WWOX: variants seen among roughly 807,000 people sequenced by gnomAD.
WWOX encodes WW domain-containing oxidoreductase.
Under a neutral mutation model 46.2 loss-of-function variants are expected in WWOX, and 69 were observed. The observed-to-expected ratio is 1.49, with a 90% CI of 1.23 to 1.82. The LOEUF (loss-of-function observed/expected upper bound fraction) is 1.82. Ranked by LOEUF, WWOX falls within the 40% of genes most tolerant of loss-of-function variation. The pLI is 0.00. For missense variants in WWOX, 919 were observed against 542.6 expected (o/e 1.69, Z -6.89); for synonymous variants, 359 against 202.6 (o/e 1.77, Z -6.56).
In WWOX at chr16:79,149,467, G is replaced by A. The variant is rs73580989; in HGVS notation, c.1057-62141G>A. Among the ~76,000 whole-genome samples the A allele has an allele frequency of 2.5e-3, 373 of 152,240 alleles. 2 individuals are homozygous for A. Among genetic ancestry groups the A allele is most frequent in the African/African-American group, 8.7e-3 (360 of 41,534 alleles). ...TGGATAGCTCACCAACTTTTATTCA[G>A]AAAACATCCGTCTCAGTTTAGTGCC... is the stretch of plus-strand genomic sequence containing the variant. On this transcript the variant is annotated intron_variant, in intron 8 of 8. Coordinates refer to ENST00000566780, the MANE Select transcript of WWOX (RefSeq NM_016373.4).
rs1023887703 is a variant in WWOX at position 79,002,421 on chromosome 16, G to A, written c.1057-209187G>A. Among the ~76,000 whole-genome samples the A allele has an allele frequency of 2.6e-5, 4 of 151,722 alleles. No individual in the cohort carries two copies. The East Asian group carries it at 7.8e-4, about 30-fold the overall frequency. On this transcript the variant is annotated intron_variant, in intron 8 of 8. Transcript: ENST00000566780. ...GTATTTTTAGTAGAGACAGGGTTTT[G>A]ACATGTTGCCAGGCTGCTCTCGAAC...
At chr16:78,798,057 C>A (rs370447778) in intron 8 of WWOX, among the ~76,000 whole-genome samples, 25 of 152,284 alleles carry the variant, frequency 1.6e-4, no homozygotes, top group Non-Finnish European at 2.9e-4. Context: ...GGAATCCAGT[C>A]TTCTCCTTTT....
intron 8 of WWOX, among the ~76,000 whole-genome samples, chr16:79,067,549 C>T (rs553560722): frequency 6.7e-6 from 1 of 149,518 alleles, no homozygotes; most frequent in African/African-American, 2.5e-5. Flanking sequence ...CTTCCCTGAC[C>T]ACTGCCACAT....
intron 8 of WWOX, among the ~76,000 whole-genome samples, chr16:78,845,992 A>G (rs1328514523): frequency 3.9e-5 from 6 of 152,180 alleles, no homozygotes; most frequent in Non-Finnish European, 8.8e-5. Flanking sequence ...GTCTGAACCA[A>G]TTCTAAGATG....
chr16:78,587,325 G>A (rs1043973829), intron 8 of WWOX, among the ~76,000 whole-genome samples: 11 of 151,378 alleles, frequency 7.3e-5, no homozygotes, highest in Admixed American at 5.3e-4. Flanking sequence ...GAGCCACTGC[G>A]TGAGGCCCAG....
chr16:78,528,059 C>T (rs139762560), intron 8 of WWOX, among the ~76,000 whole-genome samples: 6 of 123,636 alleles, frequency 4.9e-5, no homozygotes, highest in Non-Finnish European at 7.9e-5. Context: ...AGTGCAGTGG[C>T]GTAATCTCGG....
At chr16:78,998,814 C>T (rs986978687) in intron 8 of WWOX, among the ~76,000 whole-genome samples, 1 of 152,230 alleles carries the variant, frequency 6.6e-6, no homozygotes, top group African/African-American at 2.4e-5. Context: ...TCAGGTGCAT[C>T]TCTAAATTCT....
chr16:78,975,849 G>C (rs9930281), intron 8 of WWOX, among the ~76,000 whole-genome samples: 1 of 151,948 alleles, frequency 6.6e-6, no homozygotes, highest in Non-Finnish European at 1.5e-5. Context: ...TCCTAGAACC[G>C]TAAGGACCCT....
chr16:79,021,649 C>G (rs140681258), intron 8 of WWOX, among the ~76,000 whole-genome samples: 225 of 152,320 alleles, frequency 1.5e-3, no homozygotes, highest in African/African-American at 5.1e-3. Flanking sequence ...TCGATTGCGA[C>G]AAACACACAG....
intron 8 of WWOX, among the ~76,000 whole-genome samples, chr16:78,725,334 C>CTTTTTT (rs1567517488): frequency 1.1e-5 from 1 of 94,086 alleles, no homozygotes; most frequent in Non-Finnish European, 2.1e-5. Context: ...TTTTTCTTTT[C>CTTTTTT]TTTTCTTTTC....
intron 8 of WWOX, among the ~76,000 whole-genome samples, chr16:78,669,884 C>T (rs945582496): frequency 1.3e-5 from 2 of 152,142 alleles, no homozygotes; most frequent in African/African-American, 2.4e-5. Context: ...CTCCACGTTA[C>T]GTTTTTTTCT....
At chr16:79,046,777 A>G (rs2048073519) in intron 8 of WWOX, among the ~76,000 whole-genome samples, 6 of 152,142 alleles carry the variant, frequency 3.9e-5, no homozygotes, top group Admixed American at 2.6e-4. Context: ...TGTGTGGGCA[A>G]CTTCACCCTG....
At chr16:78,723,421 G>A (rs911206101) in intron 8 of WWOX, among the ~76,000 whole-genome samples, 41 of 147,110 alleles carry the variant, frequency 2.8e-4, no homozygotes, top group African/African-American at 9.7e-4. Context: ...ATGGTGCCAA[G>A]CTATTATTAT....
At chr16:79,008,618 C>T (rs2047238226) in intron 8 of WWOX, among the ~76,000 whole-genome samples, 1 of 152,178 alleles carries the variant, frequency 6.6e-6, no homozygotes, top group South Asian at 2.1e-4. Flanking sequence ...ATGCACCATG[C>T]CAAAGGCCAT....
At chr16:79,124,831 C>T (rs533938326) in intron 8 of WWOX, among the ~76,000 whole-genome samples, 1 of 152,270 alleles carries the variant, frequency 6.6e-6, no homozygotes, top group African/African-American at 2.4e-5. Context: ...ACTCTGTTCC[C>T]TAAAGGGGAT....
intron 5 of WWOX, among the ~76,000 whole-genome samples, chr16:78,326,811 CA>C (rs1254746619): frequency 6.6e-6 from 1 of 152,022 alleles, no homozygotes; most frequent in Non-Finnish European, 1.5e-5. Context: ...ATTGTCAAAA[CA>C]TGCTTATTTT....
intron 8 of WWOX, among the ~76,000 whole-genome samples, chr16:78,881,822 C>A (rs899823983): frequency 1.3e-5 from 2 of 152,124 alleles, no homozygotes; most frequent in African/African-American, 4.8e-5. Context: ...ATTTTCTTCT[C>A]GAATTAGAAG....
At chr16:78,330,636 C>T (rs1471362541) in intron 5 of WWOX, among the ~76,000 whole-genome samples, 1 of 152,220 alleles carries the variant, frequency 6.6e-6, no homozygotes, top group Non-Finnish European at 1.5e-5. Flanking sequence ...ACCTCGTGAT[C>T]CGCCCGCCTT....
chr16:78,253,880 C>A (rs2038049877), intron 5 of WWOX, among the ~76,000 whole-genome samples: 1 of 152,118 alleles, frequency 6.6e-6, no homozygotes. Flanking sequence ...TTTCGGCATA[C>A]ACTTCCCACC....
Sources: allele counts gnomAD v4.1 joint callset (sites outside exome capture counted in the v4.1 genomes callset), GRCh38; gene constraint gnomAD v4.1.1; transcripts MANE v1.5; gene names NCBI Gene and HGNC (gene_info 2026-07-23, HGNC 2026-07-21).